SLC13A1: variants seen among roughly 807,000 people sequenced by gnomAD.
The protein encoded by SLC13A1 is solute carrier family 13 member 1.
Under a neutral mutation model 70.0 loss-of-function variants are expected in SLC13A1, and 65 were observed. The ratio of observed to expected loss-of-function variants is 0.93; its 90% CI spans 0.76 to 1.14. SLC13A1 has a LOEUF of 1.14. Ranked by LOEUF, SLC13A1 falls within the 50% of genes most tolerant of loss-of-function variation. The probability of loss-of-function intolerance (pLI) is 0.00; values close to 1 mark genes in which losing one functional copy is unlikely to be tolerated. For missense variants in SLC13A1, 726 were observed against 717.8 expected (o/e 1.01, Z -0.13); for synonymous variants, 275 against 250.5 (o/e 1.10, Z -0.92).
At chr7:123,171,462 T>C (rs1045645813) in intron 3 of SLC13A1, among the ~76,000 whole-genome samples, 1 of 152,222 alleles carries the variant, frequency 6.6e-6, no homozygotes, top group Admixed American at 6.5e-5. Flanking sequence ...CTGAAGTCTA[T>C]CAATCTTGTC....
intron 2 of SLC13A1, among the ~76,000 whole-genome samples, chr7:123,179,384 A>G (rs1795561671): frequency 6.6e-6 from 1 of 152,180 alleles, no homozygotes; most frequent in Admixed American, 6.6e-5. Flanking sequence ...TTCATCCGTT[A>G]GAGATATTGG....
chr7:123,146,254 G>C (rs1473068511), intron 7 of SLC13A1, among the ~76,000 whole-genome samples: 2 of 152,196 alleles, frequency 1.3e-5, no homozygotes, highest in Non-Finnish European at 2.9e-5. Flanking sequence ...GCCGGGTGCA[G>C]GGGCTCATGC....
intron 11 of SLC13A1, 137 bp from the exon 12 acceptor site, chr7:123,123,372 A>T (rs78396256): frequency 0.035 from 20,819 of 592,244 alleles, 521 homozygotes; most frequent in Middle Eastern, 0.086. Context: ...ATTAATCTGG[A>T]GTTTGAGTAA....
At chr7:123,173,569 G>A (rs1795343503) in intron 2 of SLC13A1, among the ~76,000 whole-genome samples, 1 of 124,692 alleles carries the variant, frequency 8.0e-6, no homozygotes, top group Non-Finnish European at 1.7e-5. Flanking sequence ...TTTCTAAATA[G>A]GTCCTATATT....
At chr7:123,188,237 G>A (rs914756481) in intron 1 of SLC13A1, among the ~76,000 whole-genome samples, 1 of 152,142 alleles carries the variant, frequency 6.6e-6, no homozygotes, top group Non-Finnish European at 1.5e-5. Context: ...TTGTGAAGAA[G>A]TTGCCTCACT....
chr7:123,195,177 G>A (rs1478900540), intron 1 of SLC13A1, among the ~76,000 whole-genome samples: 2 of 151,892 alleles, frequency 1.3e-5, no homozygotes, highest in African/African-American at 4.8e-5. Flanking sequence ...TACCAAAATT[G>A]GATTTTCTGG....
At chr7:123,186,101 C>T (rs1227542906) in intron 1 of SLC13A1, among the ~76,000 whole-genome samples, 1 of 151,760 alleles carries the variant, frequency 6.6e-6, no homozygotes, top group East Asian at 1.9e-4. Context: ...AACACAACAC[C>T]AAGTATTTTC....
At chr7:123,154,996 A>G (rs1794665777) in intron 6 of SLC13A1, among the ~76,000 whole-genome samples, 1 of 152,108 alleles carries the variant, frequency 6.6e-6, no homozygotes, top group African/African-American at 2.4e-5. Flanking sequence ...GCTGCTGGGG[A>G]GAAGTATTCA....
At chr7:123,118,109 G>T (rs1342246639) in intron 13 of SLC13A1, among the ~76,000 whole-genome samples, 1 of 151,990 alleles carries the variant, frequency 6.6e-6, no homozygotes, top group Non-Finnish European at 1.5e-5. Context: ...GCATACAGCT[G>T]GTGAGCAACA....
intron 6 of SLC13A1, among the ~76,000 whole-genome samples, chr7:123,150,965 A>G (rs1176190937): frequency 2.0e-5 from 3 of 152,006 alleles, no homozygotes; most frequent in Non-Finnish European, 4.4e-5. Flanking sequence ...TTTATGCCAG[A>G]TCACCAAACT....
chr7:123,138,890 T>G (rs2116366348), intron 7 of SLC13A1, among the ~76,000 whole-genome samples: 1 of 152,292 alleles, frequency 6.6e-6, no homozygotes, highest in African/African-American at 2.4e-5. Flanking sequence ...GTTGATTGTT[T>G]CCTTTGCTGT....
At position 123,196,282 on chromosome 7, in the gene SLC13A1, A is replaced by G. The variant is rs150032964; in HGVS notation, c.99+3566T>C. ...TAATTGGGTAAGGACTGAGATTACCATTATGTTTAAGAGACAGAAAGAATT... is the reference window on the plus strand; with the variant it reads ...TAATTGGGTAAGGACTGAGATTACCGTTATGTTTAAGAGACAGAAAGAATT... On this transcript the variant is annotated intron_variant, in intron 1 of 14. Transcript: ENST00000194130. 3.0e-3 allele frequency among the ~76,000 whole-genome samples: 459 copies of G among 152,268 alleles called. 4 individuals are homozygous for G. Among genetic ancestry groups the G allele is most frequent in the African/African-American group, 0.011 (438 of 41,574 alleles).
At position 123,147,133 on chromosome 7, in the gene SLC13A1, A is replaced by G. The variant is rs1276887234; in HGVS notation, c.812+26T>C. 3.1e-6 allele frequency: 5 copies of G among 1,603,466 alleles called. No homozygotes were observed. The African/African-American group carries it at 4.0e-5, about 13-fold the overall frequency. ...AATTTTTGTGCTGCCCTTATGTTAAATCACCAATCCAATAAGGTTACTTAC... is the reference window on the plus strand; with the variant it reads ...AATTTTTGTGCTGCCCTTATGTTAAGTCACCAATCCAATAAGGTTACTTAC... On this transcript the variant is annotated intron_variant, in intron 7 of 14. Transcript: ENST00000194130.
At chr7:123,195,504 G>A (rs527288277) in intron 1 of SLC13A1, among the ~76,000 whole-genome samples, 11 of 151,042 alleles carry the variant, frequency 7.3e-5, no homozygotes, top group Admixed American at 4.6e-4. Context: ...CCAACTTCTC[G>A]ACCTACCACT....
intron 6 of SLC13A1, among the ~76,000 whole-genome samples, chr7:123,164,520 T>C (rs1442103558): frequency 6.6e-6 from 1 of 151,896 alleles, no homozygotes; most frequent in Non-Finnish European, 1.5e-5. Context: ...AAATAAAATT[T>C]ATTTATTTTA....
intron 6 of SLC13A1, among the ~76,000 whole-genome samples, chr7:123,163,389 T>C (rs1449606451): frequency 6.6e-6 from 1 of 152,080 alleles, no homozygotes; most frequent in African/African-American, 2.4e-5. Context: ...GGCCATGGCC[T>C]ATAGTGAGAA....
At chr7:123,124,908 C>T (rs530701424) in intron 11 of SLC13A1, among the ~76,000 whole-genome samples, 1 of 152,208 alleles carries the variant, frequency 6.6e-6, no homozygotes, top group South Asian at 2.1e-4. Flanking sequence ...AAGTGATCCT[C>T]CTGCGTTGGC....
intron 6 of SLC13A1, among the ~76,000 whole-genome samples, chr7:123,161,230 A>T (rs1263392189): frequency 6.7e-6 from 1 of 150,350 alleles, no homozygotes; most frequent in Non-Finnish European, 1.5e-5. Context: ...GATTTACATT[A>T]AAAAAGACTT....
intron 1 of SLC13A1, among the ~76,000 whole-genome samples, chr7:123,197,852 G>A (rs1472420543): frequency 1.3e-5 from 2 of 152,032 alleles, no homozygotes; most frequent in Non-Finnish European, 2.9e-5. Flanking sequence ...TAAAATGATT[G>A]CTTTTGATTT....
Sources: allele counts gnomAD v4.1 joint callset (sites outside exome capture counted in the v4.1 genomes callset), GRCh38; gene constraint gnomAD v4.1.1; transcripts MANE v1.5; gene names NCBI Gene and HGNC (gene_info 2026-07-23, HGNC 2026-07-21).